The following SFI1 variants were observed in gnomAD, a reference collection of about 807,000 sequenced individuals.
The protein encoded by SFI1 is SFI1 centrin binding protein.
In SFI1, 195 loss-of-function variants were observed where a neutral mutation model predicts 207.5. That is an observed-to-expected ratio of 0.94 (90% CI 0.84 to 1.06). The LOEUF is 1.06. Ranked by LOEUF, SFI1 falls within the 50% of genes least tolerant of loss-of-function variation. The probability of loss-of-function intolerance (pLI) is 0.00; values close to 1 mark genes in which losing one functional copy is unlikely to be tolerated. For missense variants in SFI1, 1,634 were observed against 1,588.0 expected, an observed-to-expected ratio of 1.03 and a Z score of -0.49; for synonymous variants, 630 against 598.9, an observed-to-expected ratio of 1.05 and a Z score of -0.76.
At chr22:31,605,785 C>A in intron 20 of SFI1, 1 of 153,118 alleles carries the variant, frequency 6.5e-6, no homozygotes, top group Non-Finnish European at 1.5e-5. Context: ...AAGGTCAAGG[C>A]CACAGTGAGC....
At chr22:31,613,302 G>A in intron 25 of SFI1, 52 bp from the exon 26 acceptor site, 6 of 1,605,066 alleles carry the variant, frequency 3.7e-6, no homozygotes, top group Non-Finnish European at 5.1e-6. Flanking sequence ...CCTGGTCTGT[G>A]GGGGAGCTCT....
At chr22:31,496,460 C>T (rs2052661284), upstream of SFI1, 1 of 152,342 alleles carries the variant, frequency 6.6e-6, no homozygotes, top group Non-Finnish European at 1.5e-5. Flanking sequence ...GCGGGGTGGT[C>T]CTCGTGCGCG....
Position 31,528,754 on chromosome 22 carries a change from T to C in SFI1, c.157T>C (p.Ser53Pro). 4 of 1,614,220 alleles carry C rather than the reference T, an allele frequency of 2.5e-6. No homozygotes were observed. Among genetic ancestry groups the C allele is most frequent in the Non-Finnish European group, 3.4e-6 (4 of 1,180,034 alleles). Residue 53 changes from serine to proline, a missense_variant, in exon 3 of 33, where the codon TCT (serine) becomes CCT (proline). Transcript: ENST00000400288. ...SAKTLSNKKS[S>P]ASFGIRRELP... ...AAAGACACTGTCCAACAAGAAGTCT[T>C]CTGCATCCTTTGGGATCCGGAGGGA... is the stretch of plus-strand genomic sequence containing the variant.
rs2063624669 is a variant in SFI1 at position 31,577,275 on chromosome 22, G to A, written c.1085-1107G>A. 2.0e-5 allele frequency among the ~76,000 whole-genome samples: 3 copies of A among 152,202 alleles called. No homozygotes were observed. In the South Asian group the frequency reaches 6.2e-4, roughly 32 times the overall value. On this transcript the variant is annotated intron_variant, in intron 10 of 32. Transcript: ENST00000400288. Reference sequence around the variant, plus strand: ...TAGGAGATGAGAAGTTGGGAAGGTTGATGTCTTAGGGGAAGACTGCAGAAG... The same window carrying A: ...TAGGAGATGAGAAGTTGGGAAGGTTAATGTCTTAGGGGAAGACTGCAGAAG...
chr22:31,598,716 C>CTTTTTTTTTTTTTTTTTTTTT (rs71184513), intron 15 of SFI1, among the ~76,000 whole-genome samples: 1 of 26,888 alleles, frequency 3.7e-5, no homozygotes, highest in African/African-American at 1.2e-4. Context: ...TGCGCCTGGC[C>CTTTTTTTTTTTTTTTTTTTTT]TTTTTTTTTT....
intron 2 of SFI1, 68 bp downstream of exon 2, chr22:31,508,444 G>A: frequency 8.4e-7 from 1 of 1,188,234 alleles, no homozygotes; most frequent in South Asian, 1.4e-5. Context: ...AACATTTTGT[G>A]TATGAAAAAA....
chr22:31,533,615 C>G (rs1259480929), intron 4 of SFI1, among the ~76,000 whole-genome samples: 1 of 152,048 alleles, frequency 6.6e-6, no homozygotes, highest in African/African-American at 2.4e-5. Context: ...CAAAAGCAAG[C>G]AGGGCAGCTG....
intron 6 of SFI1, among the ~76,000 whole-genome samples, chr22:31,555,153 GT>G (rs2061040083): frequency 6.6e-6 from 1 of 151,904 alleles, no homozygotes; most frequent in African/African-American, 2.4e-5. Context: ...TATAGTTACA[GT>G]GAATCTAGCT....
At chr22:31,535,500 T>C (rs1240569259) in intron 4 of SFI1, among the ~76,000 whole-genome samples, 1 of 150,778 alleles carries the variant, frequency 6.6e-6, no homozygotes, top group African/African-American at 2.4e-5. Flanking sequence ...TTTTTTTGTT[T>C]TTTCTTTTTT....
intron 1 of SFI1, among the ~76,000 whole-genome samples, chr22:31,499,280 C>T (rs1461543039): frequency 2.0e-5 from 3 of 152,072 alleles, no homozygotes; most frequent in African/African-American, 4.8e-5. Context: ...CCACAACCTC[C>T]GCCTCCCGGG....
chr22:31,570,512 T>C (rs2062840964), intron 8 of SFI1, among the ~76,000 whole-genome samples: 1 of 152,126 alleles, frequency 6.6e-6, no homozygotes, highest in Non-Finnish European at 1.5e-5. Context: ...GGCAGTGGGA[T>C]ATTGGGATAT....
intron 6 of SFI1, among the ~76,000 whole-genome samples, chr22:31,555,858 C>T (rs1181851305): frequency 3.3e-5 from 5 of 152,138 alleles, no homozygotes; most frequent in South Asian, 2.1e-4. Flanking sequence ...AATTCTCCTT[C>T]GTATGTTGAT....
chr22:31,497,269 G>A (rs1004372051), intron 1 of SFI1: 1 of 152,184 alleles, frequency 6.6e-6, no homozygotes, highest in African/African-American at 2.4e-5. Flanking sequence ...TTTACAAATT[G>A]AAAGTTTGTA....
intron 9 of SFI1, 116 bp from the exon 10 acceptor site, chr22:31,575,112 GTGT>G: frequency 1.7e-6 from 1 of 577,700 alleles, no homozygotes; most frequent in Non-Finnish European, 2.8e-6. Context: ...GTGTGTGTGT[GTGT>G]GTGTGTGGCC....
At chr22:31,553,845 T>G (rs1390623951) in intron 6 of SFI1, among the ~76,000 whole-genome samples, 1 of 77,224 alleles carries the variant, frequency 1.3e-5, no homozygotes, top group African/African-American at 5.1e-5. Flanking sequence ...TATGTTTTTT[T>G]TTTTTTTTTT....
intron 6 of SFI1, 26 bp downstream of exon 6, chr22:31,550,374 A>G (rs1328126480): frequency 6.4e-7 from 1 of 1,573,752 alleles, no homozygotes; most frequent in African/African-American, 1.3e-5. Flanking sequence ...CCATGTCTGA[A>G]GAAGATGCCC....
At chr22:31,599,756 G>A (rs751323215) in intron 15 of SFI1, among the ~76,000 whole-genome samples, 7 of 152,054 alleles carry the variant, frequency 4.6e-5, no homozygotes, top group African/African-American at 9.7e-5. Flanking sequence ...GATTACAGGC[G>A]TGAGCCACCA....
At chr22:31,614,889 C>G (rs1569469296) in intron 28 of SFI1, 29 bp downstream of exon 28, 2 of 1,610,844 alleles carry the variant, frequency 1.2e-6, no homozygotes, top group Non-Finnish European at 1.7e-6. Context: ...CGTGGGCAGG[C>G]AGGGGGAGAT....
At chr22:31,511,860 C>T (rs2055611811) in intron 2 of SFI1, among the ~76,000 whole-genome samples, 2 of 152,006 alleles carry the variant, frequency 1.3e-5, no homozygotes, top group Admixed American at 6.6e-5. Flanking sequence ...CCATGTTGGT[C>T]TGGCTGGTCT....
Sources: allele counts gnomAD v4.1 joint callset (sites outside exome capture counted in the v4.1 genomes callset), GRCh38; gene constraint gnomAD v4.1.1; transcripts MANE v1.5; gene names NCBI Gene and HGNC (gene_info 2026-07-23, HGNC 2026-07-21).